COL4A6: variants seen among roughly 807,000 people sequenced by gnomAD.
COL4A6 encodes the protein collagen alpha-6(IV) chain.
Under a neutral mutation model 126.7 loss-of-function variants are expected in COL4A6, and 59 were observed. The ratio of observed to expected loss-of-function variants is 0.47; its 90% CI spans 0.38 to 0.58. The LOEUF is 0.58. Ranked by LOEUF, COL4A6 falls within the 20% of genes least tolerant of loss-of-function variation. The pLI is 0.00. For synonymous variants in COL4A6, 547 were observed against 496.6 expected, an observed-to-expected ratio of 1.10 and a Z score of -1.35; for missense variants, 1,285 against 1,337.3, an observed-to-expected ratio of 0.96 and a Z score of 0.61.
intron 2 of COL4A6, among the ~76,000 whole-genome samples, chrX:108,390,689 C>T (rs1393070743): frequency 8.2e-5 from 9 of 110,171 alleles, no homozygotes; most frequent in Admixed American, 9.8e-5. Context: ...ATCTTTAGCT[C>T]GGAGGAGTTT....
intron 2 of COL4A6, among the ~76,000 whole-genome samples, chrX:108,397,183 A>G (rs1195311966): frequency 9.0e-6 from 1 of 111,727 alleles, no homozygotes. Context: ...TATAATCTAC[A>G]TAAGAACAGT....
intron 12 of COL4A6, 71 bp from the exon 13 acceptor site, chrX:108,203,052 A>C: frequency 1.1e-6 from 1 of 899,010 alleles, no homozygotes. Context: ...GGCTCTCCAC[A>C]TGTACTTGGA....
At chrX:108,383,684 A>G (rs906078615) in intron 2 of COL4A6, 15 of 508,242 alleles carry the variant, frequency 3.0e-5, no homozygotes, top group Non-Finnish European at 4.6e-5. Context: ...TTTTTCCTCA[A>G]CACAGGAGAG....
At chrX:108,261,641 T>C (rs929007850) in intron 3 of COL4A6, among the ~76,000 whole-genome samples, 28 of 111,442 alleles carry the variant, frequency 2.5e-4, no homozygotes, top group Admixed American at 1.1e-3. Context: ...CTCTAAACCA[T>C]TGGCCAGATG....
intron 2 of COL4A6, among the ~76,000 whole-genome samples, chrX:108,359,789 A>G (rs1448518449): frequency 1.8e-5 from 2 of 112,309 alleles, no homozygotes; most frequent in African/African-American, 6.5e-5. Flanking sequence ...AAGTTAAAGT[A>G]TAGGGGCTGC....
intron 2 of COL4A6, among the ~76,000 whole-genome samples, chrX:108,377,556 CTTTTTTTTT>C (rs199647476): frequency 1.2e-5 from 1 of 86,452 alleles, no homozygotes; most frequent in African/African-American, 4.2e-5. Context: ...AAAAAAATTT[CTTTTTTTTT>C]TTTTTTTAAG....
At chrX:108,401,102 A>T (rs2041078975) in intron 2 of COL4A6, among the ~76,000 whole-genome samples, 1 of 111,378 alleles carries the variant, frequency 9.0e-6, no homozygotes, top group African/African-American at 3.2e-5. Flanking sequence ...ATTACTGTCA[A>T]CTATCTCCAA....
intron 2 of COL4A6, among the ~76,000 whole-genome samples, chrX:108,415,273 C>T (rs1048721994): frequency 1.8e-5 from 2 of 111,794 alleles, no homozygotes; most frequent in Non-Finnish European, 3.8e-5. Context: ...TTCCTGTTTA[C>T]CCTGGTCCCA....
chrX:108,281,576 C>T (rs1485070969), intron 3 of COL4A6, among the ~76,000 whole-genome samples: 109 of 111,397 alleles, frequency 9.8e-4, no homozygotes, highest in African/African-American at 3.2e-3. Context: ...CTGCCCAAGG[C>T]AATTTATAGA....
intron 2 of COL4A6, among the ~76,000 whole-genome samples, chrX:108,317,561 G>A (rs2147930438): frequency 8.9e-6 from 1 of 111,932 alleles, no homozygotes; most frequent in South Asian, 3.8e-4. Context: ...ATGGTTTTAG[G>A]TCTAATGTTT....
chrX:108,217,646 G>A (rs1298473091), intron 5 of COL4A6, among the ~76,000 whole-genome samples: 4 of 111,047 alleles, frequency 3.6e-5, no homozygotes, highest in Non-Finnish European at 5.7e-5. Flanking sequence ...TATTTGAGAC[G>A]GGTACCAATG....
At chrX:108,217,393 T>C in intron 5 of COL4A6, among the ~76,000 whole-genome samples, 1 of 111,457 alleles carries the variant, frequency 9.0e-6, no homozygotes, top group East Asian at 2.8e-4. Context: ...TCTGTGTTTT[T>C]CTGTCTGGGG....
rs763044757 is a variant in COL4A6 at position 108,178,690 on chromosome X, T to G, written c.2509A>C (p.Ile837Leu). Reference protein sequence around the residue: ...GLPGAPGFPGISGHPGKKGTR... With the variant: ...GLPGAPGFPGLSGHPGKKGTR... ...CTTCCTCTGAAGGACCTACCTGAGA[T>G]GCCTGGGAAGCCTGGTGCTCCTGGG... Residue 837 changes from isoleucine to leucine, a missense_variant, in exon 27 of 45, where the codon ATC becomes CTC. Physicochemically the swap from Ile to Leu is conservative, Grantham distance 5 (BLOSUM62 2). Coordinates refer to ENST00000334504, the MANE Select transcript of COL4A6 (RefSeq NM_033641.4). 29 of 1,209,528 alleles carry G rather than the reference T, an allele frequency of 2.4e-5. No individual in the cohort carries two copies. In the Admixed American group the frequency reaches 3.3e-4, roughly 14 times the overall value.
At chrX:108,234,058 C>T (rs2036377294) in intron 3 of COL4A6, among the ~76,000 whole-genome samples, 1 of 111,906 alleles carries the variant, frequency 8.9e-6, no homozygotes, top group Non-Finnish European at 1.9e-5. Context: ...AGCTCTAGAG[C>T]TGTTGGTGGC....
chrX:108,362,370 A>T (rs1352065798), intron 2 of COL4A6, among the ~76,000 whole-genome samples: 1 of 111,852 alleles, frequency 8.9e-6, no homozygotes, highest in Non-Finnish European at 1.9e-5. Flanking sequence ...TTAATACATG[A>T]TCATGGGCAT....
intron 3 of COL4A6, among the ~76,000 whole-genome samples, chrX:108,247,596 C>T (rs757892150): frequency 9.0e-6 from 1 of 110,525 alleles, no homozygotes; most frequent in East Asian, 2.9e-4. Context: ...TCTTCCCTCC[C>T]TTCTCCCTTC....
chrX:108,175,237 T>C (rs766682305), intron 29 of COL4A6, 22 bp from the exon 30 acceptor site: 1 of 1,153,251 alleles, frequency 8.7e-7, no homozygotes, highest in Admixed American at 2.7e-5. Flanking sequence ...GAGATCAGCA[T>C]GAGAAAGAGA....
At chrX:108,215,199 C>A (rs2035825585) in intron 5 of COL4A6, among the ~76,000 whole-genome samples, 1 of 112,180 alleles carries the variant, frequency 8.9e-6, no homozygotes. Flanking sequence ...TTATCAAATT[C>A]TTATAGAGAA....
chrX:108,191,102 C>T (rs1163388792), intron 19 of COL4A6, among the ~76,000 whole-genome samples: 1 of 111,799 alleles, frequency 8.9e-6, no homozygotes, highest in African/African-American at 3.3e-5. Flanking sequence ...AAAACAAAGG[C>T]TTAAGGGCTG....
Sources: allele counts gnomAD v4.1 joint callset (sites outside exome capture counted in the v4.1 genomes callset), GRCh38; gene constraint gnomAD v4.1.1; transcripts MANE v1.5; gene names NCBI Gene and HGNC (gene_info 2026-07-23, HGNC 2026-07-21).